The following HERC4 variants were observed in gnomAD, a reference collection of about 807,000 sequenced individuals.
HERC4 encodes the protein probable E3 ubiquitin-protein ligase HERC4.
HERC4 carries 28 observed loss-of-function variants against 124.3 expected under a neutral mutation model. The observed-to-expected ratio is 0.23, with a 90% CI of 0.17 to 0.31. The LOEUF (loss-of-function observed/expected upper bound fraction) is 0.31. Among genes scored for constraint, HERC4 ranks in the 10% least tolerant of loss-of-function variants. HERC4 has a pLI of 1.00. For synonymous variants in HERC4, 407 were observed against 421.5 expected, an observed-to-expected ratio of 0.97 and a Z score of 0.42; for missense variants, 713 against 1,229.3, an observed-to-expected ratio of 0.58 and a Z score of 6.28.
At chr10:67,948,432 ATCAC>A (rs2033551593) in intron 19 of HERC4, among the ~76,000 whole-genome samples, 1 of 152,202 alleles carries the variant, frequency 6.6e-6, no homozygotes, top group Admixed American at 6.5e-5. Flanking sequence ...ACTGCTCAAT[ATCAC>A]TAATGATCAG....
At chr10:67,972,266 A>G (rs1247769292) in intron 15 of HERC4, among the ~76,000 whole-genome samples, 1 of 151,078 alleles carries the variant, frequency 6.6e-6, no homozygotes, top group African/African-American at 2.4e-5. Context: ...TCACACCGGT[A>G]ATCCCAGCAC....
chr10:67,966,527 T>C (rs920763002), intron 16 of HERC4, 156 bp downstream of exon 16: 4 of 599,878 alleles, frequency 6.7e-6, no homozygotes, highest in South Asian at 2.4e-5. Context: ...TATTGTAAAA[T>C]ATATAGCACT....
At chr10:68,016,653 A>G (rs188964090) in intron 8 of HERC4, among the ~76,000 whole-genome samples, 3 of 152,246 alleles carry the variant, frequency 2.0e-5, no homozygotes, top group South Asian at 2.1e-4. Flanking sequence ...ACCCGGCCCA[A>G]TAAGATGTCT....
At chr10:68,066,904 G>A (rs919316499) in intron 3 of HERC4, among the ~76,000 whole-genome samples, 4 of 152,084 alleles carry the variant, frequency 2.6e-5, no homozygotes, top group Admixed American at 6.5e-5. Flanking sequence ...CCATCAAATC[G>A]AATGGCAGGG....
intron 8 of HERC4, among the ~76,000 whole-genome samples, chr10:68,021,266 A>C (rs1446691213): frequency 6.6e-6 from 1 of 152,230 alleles, no homozygotes; most frequent in Admixed American, 6.5e-5. Flanking sequence ...AGGGTTACAT[A>C]CTATGACCAC....
At chr10:67,979,604 C>A (rs2035806333) in intron 15 of HERC4, among the ~76,000 whole-genome samples, 1 of 151,956 alleles carries the variant, frequency 6.6e-6, no homozygotes, top group Non-Finnish European at 1.5e-5. Flanking sequence ...CTGTAGAACA[C>A]CAAGCAGACT....
chr10:67,995,018 A>G (rs2036781964), intron 9 of HERC4: 1 of 248,942 alleles, frequency 4.0e-6, no homozygotes, highest in Non-Finnish European at 7.9e-6. Flanking sequence ...ACTACTCGAA[A>G]AAGTTTGAGA....
intron 9 of HERC4, among the ~76,000 whole-genome samples, chr10:67,996,994 A>G (rs10997900): frequency 0.47 from 70,849 of 150,472 alleles, 20,550 homozygotes; most frequent in Non-Finnish European, 0.66. Flanking sequence ...TCTCGAAAAA[A>G]AAAAGAAAAA....
intron 3 of HERC4, among the ~76,000 whole-genome samples, chr10:68,072,261 C>T (rs2041611670): frequency 6.6e-6 from 1 of 152,130 alleles, no homozygotes; most frequent in Non-Finnish European, 1.5e-5. Context: ...TCAAAATTCT[C>T]ATTACCCTAC....
intron 4 of HERC4, among the ~76,000 whole-genome samples, chr10:68,043,448 A>G (rs2133485372): frequency 6.6e-6 from 1 of 152,332 alleles, no homozygotes; most frequent in African/African-American, 2.4e-5. Flanking sequence ...TTATTTATGT[A>G]TCTGAAATAA....
Position 67,974,073 on chromosome 10 carries a change from TACACACACACACACAC to T in HERC4, c.1807-7287_1807-7272del, listed in dbSNP as rs57454971. 8.7e-4 allele frequency among the ~76,000 whole-genome samples: 84 copies of T among 96,050 alleles called. 1 individual carries two copies. Among genetic ancestry groups the T allele is most frequent in the African/African-American group, 2.7e-3 (66 of 24,284 alleles). 63.0% of individuals were successfully genotyped at this position (96,050 alleles called of 152,430 possible). On this transcript the variant is annotated intron_variant, in intron 15 of 24. Transcript: ENST00000373700. ...AAAAAAAAAAAAAAAAAAATTACTG[TACACACACACACACAC>T]ACACACACACACACACACACACACA...
At chr10:68,062,351 C>T (rs1248201594) in intron 3 of HERC4, among the ~76,000 whole-genome samples, 1 of 152,080 alleles carries the variant, frequency 6.6e-6, no homozygotes. Context: ...AGGATCATAC[C>T]TGGCTCTTTC....
chr10:68,070,755 G>A (rs948563603), intron 3 of HERC4, among the ~76,000 whole-genome samples: 1 of 151,556 alleles, frequency 6.6e-6, no homozygotes, highest in Non-Finnish European at 1.5e-5. Context: ...ATATATCATC[G>A]AACCAGAACT....
In HERC4 at chr10:67,935,982, T is replaced by C. The variant is rs140003107; in HGVS notation, c.2654+171A>G. Among the ~76,000 whole-genome samples the C allele has an allele frequency of 7.6e-3, 1,152 of 152,304 alleles. 9 individuals carry two copies. Among genetic ancestry groups the C allele is most frequent in the Admixed American group, 0.018 (272 of 15,296 alleles). On this transcript the variant is annotated intron_variant, in intron 22 of 24. Coordinates refer to ENST00000373700, the MANE Select transcript of HERC4 (RefSeq NM_015601.4). ...TGTCACTTCTCCCTTCTCTTTGTTT[T>C]AATGTCTTCAAGGGATTTCAGGAGG...
chr10:67,968,499 A>G (rs2035031610), intron 15 of HERC4, among the ~76,000 whole-genome samples: 1 of 151,698 alleles, frequency 6.6e-6, no homozygotes, highest in African/African-American at 2.4e-5. Flanking sequence ...CAGCCTCCTG[A>G]GTAGCTGGGA....
At chr10:67,935,092 T>C (rs1304620137) in intron 22 of HERC4, among the ~76,000 whole-genome samples, 1 of 152,142 alleles carries the variant, frequency 6.6e-6, no homozygotes, top group Non-Finnish European at 1.5e-5. Flanking sequence ...TGCCATTCTT[T>C]TTGACTGTTT....
chr10:68,031,449 T>C (rs535640215), intron 7 of HERC4, among the ~76,000 whole-genome samples: 63 of 152,310 alleles, frequency 4.1e-4, no homozygotes, highest in African/African-American at 1.4e-3. Context: ...GTTATCTGAA[T>C]GCCAAAATCA....
At chr10:68,000,607 C>T (rs2037172470) in intron 9 of HERC4, among the ~76,000 whole-genome samples, 1 of 151,818 alleles carries the variant, frequency 6.6e-6, no homozygotes. Context: ...TGTTGAAATC[C>T]TAATCCCCAA....
At chr10:68,033,764 A>G (rs1161883815) in intron 6 of HERC4, among the ~76,000 whole-genome samples, 2 of 152,158 alleles carry the variant, frequency 1.3e-5, no homozygotes, top group Non-Finnish European at 2.9e-5. Flanking sequence ...GTCCAGATAT[A>G]CTTTTTATAG....
Sources: gnomAD v4.1 joint callset for allele counts (sites outside exome capture counted in the v4.1 genomes callset) on GRCh38, gnomAD v4.1.1 for gene constraint, MANE v1.5 for transcripts, NCBI Gene and HGNC (gene_info 2026-07-23, HGNC 2026-07-21) for gene names.